Variants in COL25A1 observed in about 807,000 individuals in gnomAD.
COL25A1 encodes the protein collagen type XXV alpha 1 chain.
A neutral mutation model predicts 128.4 loss-of-function variants in COL25A1; 103 were observed. The ratio of observed to expected loss-of-function variants is 0.80; its 90% confidence interval spans 0.68 to 0.94. COL25A1 has a LOEUF of 0.94. Among genes scored for constraint, COL25A1 ranks in the 40% least tolerant of loss-of-function variants. The pLI is 0.00. For synonymous variants in COL25A1, 279 were observed against 277.2 expected (o/e 1.01, Z -0.06); for missense variants, 745 against 840.0 (o/e 0.89, Z 1.40).
Position 109,243,487 on chromosome 4 carries a change from G to T in COL25A1, c.367+57096C>A, listed in dbSNP as rs575821104. On this transcript the variant is annotated intron_variant, in intron 3 of 37. Coordinates refer to ENST00000399132, the MANE Select transcript of COL25A1 (RefSeq NM_198721.4). ...GGAGGGTTCAAATTTAACTCAACTA[G>T]AGAAGAGCCACAAAGATAATTAAAG... Among the ~76,000 whole-genome samples the T allele has an allele frequency of 4.1e-4, 63 of 151,990 alleles. 1 individual carries two copies. In the South Asian group the frequency reaches 7.1e-3, roughly 17 times the overall value.
At chr4:109,024,477 TA>T (rs1410432109) in intron 5 of COL25A1, among the ~76,000 whole-genome samples, 3 of 151,708 alleles carry the variant, frequency 2.0e-5, no homozygotes, top group Non-Finnish European at 4.4e-5. Flanking sequence ...TAAATCTATC[TA>T]AAAAAAGAAA....
intron 5 of COL25A1, among the ~76,000 whole-genome samples, chr4:109,023,927 A>G (rs955241666): frequency 6.6e-6 from 1 of 152,206 alleles, no homozygotes; most frequent in Non-Finnish European, 1.5e-5. Context: ...TTGCTGCAAG[A>G]TGTCCATCAT....
intron 11 of COL25A1, among the ~76,000 whole-genome samples, chr4:108,921,712 A>G (rs1339432408): frequency 2.0e-5 from 3 of 152,198 alleles, no homozygotes; most frequent in Non-Finnish European, 4.4e-5. Flanking sequence ...TTATTTTGCA[A>G]TCCTCACAGG....
intron 8 of COL25A1, among the ~76,000 whole-genome samples, chr4:108,970,305 C>G (rs1358732897): frequency 2.0e-5 from 3 of 152,172 alleles, no homozygotes; most frequent in Non-Finnish European, 4.4e-5. Context: ...TAATGCCTAC[C>G]ACGCTAGACA....
intron 35 of COL25A1, among the ~76,000 whole-genome samples, chr4:108,819,596 G>A (rs372333956): frequency 5.9e-5 from 9 of 152,148 alleles, no homozygotes; most frequent in East Asian, 1.9e-4. Context: ...CAATTGTGCC[G>A]TGATATTTGG....
intron 11 of COL25A1, among the ~76,000 whole-genome samples, chr4:108,921,522 A>C (rs374862315): frequency 1.3e-5 from 2 of 152,198 alleles, no homozygotes; most frequent in East Asian, 3.8e-4. Context: ...ATTCCATGAC[A>C]TTTAACTAAT....
intron 13 of COL25A1, among the ~76,000 whole-genome samples, chr4:108,909,451 T>C (rs1414359762): frequency 1.3e-5 from 2 of 152,214 alleles, no homozygotes; most frequent in South Asian, 2.1e-4. Flanking sequence ...CAAACCTTCC[T>C]TATGCTTTTT....
At chr4:108,847,216 A>G (rs762520525) in intron 27 of COL25A1, among the ~76,000 whole-genome samples, 12 of 152,020 alleles carry the variant, frequency 7.9e-5, no homozygotes, top group Admixed American at 2.0e-4. Context: ...TGAATTTTAT[A>G]ATATTAATAT....
intron 6 of COL25A1, among the ~76,000 whole-genome samples, chr4:109,008,126 T>C (rs1455403712): frequency 6.6e-6 from 1 of 152,232 alleles, no homozygotes; most frequent in African/African-American, 2.4e-5. Flanking sequence ...CACCACTATC[T>C]GCTCCAAGAC....
intron 6 of COL25A1, among the ~76,000 whole-genome samples, chr4:108,977,890 T>C (rs1752592698): frequency 6.6e-6 from 1 of 152,188 alleles, no homozygotes; most frequent in African/African-American, 2.4e-5. Context: ...CTTCCCAGGT[T>C]TCTCTTTAAA....
At chr4:109,289,079 T>G (rs1165959152) in intron 3 of COL25A1, among the ~76,000 whole-genome samples, 2 of 151,896 alleles carry the variant, frequency 1.3e-5, no homozygotes, top group African/African-American at 4.8e-5. Flanking sequence ...AGGAAAAAAT[T>G]TGTACACCTA....
At chr4:109,176,259 G>A (rs1258027637) in intron 3 of COL25A1, among the ~76,000 whole-genome samples, 1 of 152,172 alleles carries the variant, frequency 6.6e-6, no homozygotes, top group Non-Finnish European at 1.5e-5. Flanking sequence ...GCATGGTGGT[G>A]CATACTTGTA....
At chr4:108,838,145 T>C in intron 31 of COL25A1, 1 of 1,550,386 alleles carries the variant, frequency 6.5e-7, no homozygotes, top group Non-Finnish European at 8.7e-7. Flanking sequence ...GGTTCACCCT[T>C]CAATCCTTTA....
At chr4:108,899,513 C>T (rs1011005003) in intron 14 of COL25A1, among the ~76,000 whole-genome samples, 2 of 152,098 alleles carry the variant, frequency 1.3e-5, no homozygotes, top group African/African-American at 4.8e-5. Flanking sequence ...TCTTAGCCTA[C>T]AATTTTTCAT....
At chr4:109,237,620 TC>T (rs1779561790) in intron 3 of COL25A1, among the ~76,000 whole-genome samples, 3 of 147,878 alleles carry the variant, frequency 2.0e-5, no homozygotes, top group Non-Finnish European at 4.4e-5. Flanking sequence ...TTGATGGCAA[TC>T]TTTTTTTTTT....
intron 5 of COL25A1, among the ~76,000 whole-genome samples, chr4:109,010,903 C>G (rs1756522643): frequency 6.6e-6 from 1 of 152,164 alleles, no homozygotes; most frequent in Non-Finnish European, 1.5e-5. Context: ...AAACCTTTAT[C>G]TTTTATTCTG....
chr4:109,076,905 C>A (rs1456057381), intron 3 of COL25A1, among the ~76,000 whole-genome samples: 1 of 152,084 alleles, frequency 6.6e-6, no homozygotes, highest in Non-Finnish European at 1.5e-5. Flanking sequence ...GGCGCTCAGG[C>A]AGTAATGCAA....
chr4:108,899,027 C>T, intron 15 of COL25A1, 127 bp downstream of exon 15: 1 of 725,640 alleles, frequency 1.4e-6, no homozygotes, highest in South Asian at 1.9e-5. Context: ...ACCTACCTAC[C>T]TATTAATCTA....
At chr4:109,139,128 T>A (rs965595275) in intron 3 of COL25A1, among the ~76,000 whole-genome samples, 3 of 152,210 alleles carry the variant, frequency 2.0e-5, no homozygotes, top group African/African-American at 7.2e-5. Flanking sequence ...ACATTTGTCT[T>A]CTTTTGAGAA....
Sources: allele counts gnomAD v4.1 joint callset (sites outside exome capture counted in the v4.1 genomes callset), GRCh38; gene constraint gnomAD v4.1.1; transcripts MANE v1.5; gene names NCBI Gene and HGNC (gene_info 2026-07-23, HGNC 2026-07-21).